Variants in USP24 observed in about 807,000 individuals in gnomAD.
The protein encoded by USP24 is ubiquitin carboxyl-terminal hydrolase 24.
USP24 carries 97 observed loss-of-function variants against 361.6 expected under a neutral mutation model. The observed-to-expected ratio is 0.27, with a 90% confidence interval of 0.23 to 0.32. The LOEUF (loss-of-function observed/expected upper bound fraction) is 0.32, where lower values mean the gene tolerates loss of function less well. Among genes scored for constraint, USP24 ranks in the 10% least tolerant of loss-of-function variants. The pLI is 1.00. For missense variants in USP24, 2,353 were observed against 3,165.6 expected, an observed-to-expected ratio of 0.74 and a Z score of 6.16; for synonymous variants, 1,098 against 1,124.6, an observed-to-expected ratio of 0.98 and a Z score of 0.47.
intron 1 of USP24, among the ~76,000 whole-genome samples, chr1:55,199,712 G>A (rs1644519020): frequency 6.6e-6 from 1 of 151,908 alleles, no homozygotes; most frequent in African/African-American, 2.4e-5. Context: ...GTATACAAGT[G>A]TTCACTGTAT....
At chr1:55,172,147 G>A (rs1302440470) in intron 4 of USP24, among the ~76,000 whole-genome samples, 1 of 152,114 alleles carries the variant, frequency 6.6e-6, no homozygotes, top group Non-Finnish European at 1.5e-5. Context: ...TAAGAGAAAG[G>A]CATTTAATCA....
chr1:55,131,336 A>G (rs575569317), intron 31 of USP24, among the ~76,000 whole-genome samples: 1 of 152,308 alleles, frequency 6.6e-6, no homozygotes, highest in South Asian at 2.1e-4. Context: ...TCTAAATAGA[A>G]AGCACTTTGG....
intron 1 of USP24, among the ~76,000 whole-genome samples, chr1:55,178,431 G>A (rs906773048): frequency 2.0e-5 from 3 of 152,162 alleles, no homozygotes; most frequent in Non-Finnish European, 2.9e-5. Flanking sequence ...CACTTTGGGA[G>A]GCCGAGACGG....
At position 55,083,830 on chromosome 1, in the gene USP24, G is replaced by T; in HGVS notation, c.6824C>A (p.Pro2275Gln). The T allele has an allele frequency of 6.2e-7, 1 of 1,605,992 alleles. No individual in the cohort carries two copies. Among genetic ancestry groups the T allele is most frequent in the East Asian group, 2.2e-5 (1 of 44,672 alleles). ...CTGAGCACAGTTTTTACAATTTTCT[G>T]GGACGTCTTTGTCCAACAGAGCAAG... is the stretch of plus-strand genomic sequence containing the variant. Reference protein sequence around the residue: ...VLLALLDKDVPENCKNCAQYF... With the variant: ...VLLALLDKDVQENCKNCAQYF... The change falls in exon 57 of 68, where the codon CCA becomes CAA. Residue 2275 changes from proline to glutamine, a missense_variant. Coordinates refer to ENST00000294383, the MANE Select transcript of USP24 (RefSeq NM_015306.3).
chr1:55,085,547 G>C (rs2100445260), intron 56 of USP24, among the ~76,000 whole-genome samples: 1 of 152,336 alleles, frequency 6.6e-6, no homozygotes, highest in Non-Finnish European at 1.5e-5. Context: ...TGCAGGTTTA[G>C]ATCAGGAAAA....
chr1:55,069,922 G>A (rs1644886429), intron 67 of USP24, among the ~76,000 whole-genome samples: 2 of 150,508 alleles, frequency 1.3e-5, no homozygotes, highest in Admixed American at 6.6e-5. Context: ...GGGTGGGGAG[G>A]TGCGCAGGTG....
At chr1:55,176,074 C>A (rs1294858784) in intron 3 of USP24, among the ~76,000 whole-genome samples, 2 of 152,112 alleles carry the variant, frequency 1.3e-5, no homozygotes, top group Non-Finnish European at 2.9e-5. Flanking sequence ...AAGTCTTAAT[C>A]TATTAAGTCT....
chr1:55,177,384 GCCTAGCATAGTA>G (rs1650098295), intron 2 of USP24, among the ~76,000 whole-genome samples: 2 of 152,048 alleles, frequency 1.3e-5, no homozygotes, highest in African/African-American at 4.8e-5. Flanking sequence ...CAGACCCACT[GCCTAGCATAGTA>G]CCTAGATCCT....
intron 62 of USP24, 140 bp downstream of exon 62, chr1:55,077,095 A>G: frequency 1.3e-6 from 1 of 772,438 alleles, no homozygotes; most frequent in Non-Finnish European, 1.9e-6. Flanking sequence ...TAGACACATG[A>G]CTGACACGAA....
Position 55,095,287 on chromosome 1 carries a change from G to A in USP24, c.6171C>T (p.Ser2057=), listed in dbSNP as rs367835612. Residue 2057 remains serine (S), a synonymous_variant, in exon 51 of 68, where the codon AGC becomes AGT. Coordinates refer to ENST00000294383, the MANE Select transcript of USP24 (RefSeq NM_015306.3). Reference sequence around the variant, plus strand: ...GATCCTCAGCTTCCTGCCGTACAACGCTGACTCGACTTTTCTTTGGTAATA... The same window carrying A: ...GATCCTCAGCTTCCTGCCGTACAACACTGACTCGACTTTTCTTTGGTAATA... The part of the protein sequence containing the change: ...SPVLPKKSRV[S]VVRQEAEDLS... 2.5e-5 allele frequency: 40 copies of A among 1,613,542 alleles called. No individual in the cohort carries two copies. The highest frequency in any genetic ancestry group is 1.0e-4 in the Admixed American group (6 of 59,986).
chr1:55,115,300 C>T (rs559872062), intron 38 of USP24, among the ~76,000 whole-genome samples: 6 of 151,816 alleles, frequency 4.0e-5, no homozygotes, highest in South Asian at 4.2e-4. Context: ...GGGCGAATCA[C>T]GAGGTCTAAA....
intron 1 of USP24, among the ~76,000 whole-genome samples, chr1:55,178,720 TAAATAA>T (rs1650260416): frequency 1.2e-5 from 1 of 86,430 alleles, no homozygotes; most frequent in Non-Finnish European, 2.2e-5. Flanking sequence ...AATAAATAAA[TAAATAA>T]ATAAAAAGAA....
At position 55,194,977 on chromosome 1, in the gene USP24, G is replaced by GC. The variant is rs1167840442; in HGVS notation, c.325-16846dup. On this transcript the variant is annotated intron_variant, in intron 1 of 67. Coordinates refer to ENST00000294383, the MANE Select transcript of USP24 (RefSeq NM_015306.3). ...TACCAGTCCATATCACCACTCCCGT[G>GC]CCCCCTCCAAAGGGCCACCAGAATG... 1.0e-3 allele frequency among the ~76,000 whole-genome samples: 152 copies of GC among 151,904 alleles called. 1 individual carries two copies. The highest frequency in any genetic ancestry group is 2.5e-4 in the Non-Finnish European group (17 of 67,970).
rs538441266 is a variant in USP24 at position 55,081,223 on chromosome 1, C to T, written c.7078+99G>A. Reference sequence around the variant, plus strand: ...AAGTGCACCTCAACTAGCAAGTAGTCGAATGAGAAACAAGAGACATTCATT... The same window carrying T: ...AAGTGCACCTCAACTAGCAAGTAGTTGAATGAGAAACAAGAGACATTCATT... On this transcript the variant is annotated intron_variant, in intron 59 of 67. Coordinates refer to ENST00000294383, the MANE Select transcript of USP24 (RefSeq NM_015306.3). 4.1e-3 allele frequency: 5,054 copies of T among 1,225,486 alleles called. 17 individuals carry two copies. The highest frequency in any genetic ancestry group is 5.0e-3 in the Non-Finnish European group (4,309 of 870,026). The allele number at this position is 1,225,486 out of a possible 1,614,324, so 75.9% of individuals were successfully genotyped here.
chr1:55,094,114 T>C, intron 51 of USP24, 27 bp from the exon 52 acceptor site: 1 of 1,596,856 alleles, frequency 6.3e-7, no homozygotes, highest in East Asian at 2.2e-5. Context: ...GAAAACTCTG[T>C]CTAGTATAAA....
chr1:55,193,856 A>G (rs1487023852), intron 1 of USP24, among the ~76,000 whole-genome samples: 1 of 152,196 alleles, frequency 6.6e-6, no homozygotes, highest in East Asian at 1.9e-4. Context: ...ACCAGAAGTC[A>G]CATTTCTTAT....
chr1:55,132,758 A>G (rs1484565482), intron 30 of USP24, 58 bp from the exon 31 acceptor site: 1 of 1,518,288 alleles, frequency 6.6e-7, no homozygotes, highest in Non-Finnish European at 8.9e-7. Context: ...TTAAAGAGAA[A>G]CAGATCTTAG....
chr1:55,096,617 C>T lies in USP24; in HGVS notation c.5942G>A (p.Cys1981Tyr), dbSNP rs1645501763. The T allele has an allele frequency of 6.2e-7, 1 of 1,610,314 alleles. No individual in the cohort carries two copies. Among genetic ancestry groups the T allele is most frequent in the Middle Eastern group, 1.7e-4 (1 of 6,048 alleles). ...AAATTTATACCACTTTCCTTTTCCA[C>T]ACCCTCTAGAACCCAGAGATCAGAC... is the stretch of plus-strand genomic sequence containing the variant. ...YYSFIKDRRGCGKGKWYKFND... is the reference protein window; with the variant it reads ...YYSFIKDRRGYGKGKWYKFND... The change falls in exon 50 of 68, where the codon TGT (cysteine) becomes TAT (tyrosine). Residue 1981 changes from cysteine (C) to tyrosine (Y), a missense_variant. Cys to Tyr is a radical substitution (Grantham distance 194). Around this residue, in one of 8 missense-constraint regions of USP24, gnomAD observed 598 missense variants for 761.9 expected, o/e 0.78. Coordinates refer to ENST00000294383, the MANE Select transcript of USP24 (RefSeq NM_015306.3).
At chr1:55,123,366 TA>T in intron 36 of USP24, 80 bp downstream of exon 36, 1 of 1,403,638 alleles carries the variant, frequency 7.1e-7, no homozygotes, top group Non-Finnish European at 9.4e-7. Flanking sequence ...GGACCTTATC[TA>T]GGAAGAAATG....
Sources: allele counts gnomAD v4.1 joint callset (sites outside exome capture counted in the v4.1 genomes callset), GRCh38; gene constraint gnomAD v4.1.1; regional missense constraint gnomAD v4.1.1; transcripts MANE v1.5; gene names NCBI Gene and HGNC (gene_info 2026-07-23, HGNC 2026-07-21).